Variants in CTNNA2 observed in about 807,000 individuals in gnomAD.
The protein encoded by CTNNA2 is catenin alpha-2.
A neutral mutation model predicts 101.0 loss-of-function variants in CTNNA2; 42 were observed. The ratio of observed to expected loss-of-function variants is 0.42; its 90% CI spans 0.32 to 0.54. CTNNA2 has a LOEUF of 0.54. Ranked by LOEUF, CTNNA2 falls within the 20% of genes least tolerant of loss-of-function variation. The pLI is 0.14. For synonymous variants in CTNNA2, 450 were observed against 456.4 expected, an observed-to-expected ratio of 0.99 and a Z score of 0.18; for missense variants, 871 against 1,223.1, an observed-to-expected ratio of 0.71 and a Z score of 4.29.
intron 4 of CTNNA2, among the ~76,000 whole-genome samples, chr2:79,427,822 A>G (rs980230767): frequency 3.3e-5 from 5 of 152,046 alleles, no homozygotes; most frequent in Admixed American, 3.3e-4. Context: ...AACCTGTTCT[A>G]GAATTCATTG....
chr2:80,099,366 G>A (rs1700394073), intron 7 of CTNNA2, among the ~76,000 whole-genome samples: 1 of 152,094 alleles, frequency 6.6e-6, no homozygotes, highest in East Asian at 1.9e-4. Flanking sequence ...AGATAGTCCT[G>A]TATCTGCTTA....
chr2:79,491,135 C>T (rs1671204301), intron 4 of CTNNA2, among the ~76,000 whole-genome samples: 1 of 152,152 alleles, frequency 6.6e-6, no homozygotes, highest in Non-Finnish European at 1.5e-5. Flanking sequence ...TGTTGTCTGC[C>T]TACTCTGTAC....
At chr2:79,404,950 A>C (rs1476330104) in intron 4 of CTNNA2, among the ~76,000 whole-genome samples, 2 of 152,102 alleles carry the variant, frequency 1.3e-5, no homozygotes, top group Non-Finnish European at 2.9e-5. Flanking sequence ...GATATCATTC[A>C]TGAACCATGT....
At chr2:80,409,232 T>C (rs1489077697) in intron 8 of CTNNA2, among the ~76,000 whole-genome samples, 4 of 151,956 alleles carry the variant, frequency 2.6e-5, no homozygotes, top group Non-Finnish European at 5.9e-5. Context: ...AGTTAGACAT[T>C]GGGCAATAGA....
intron 7 of CTNNA2, among the ~76,000 whole-genome samples, chr2:79,960,240 A>G (rs566227297): frequency 1.9e-4 from 29 of 152,330 alleles, no homozygotes; most frequent in Admixed American, 1.4e-3. Context: ...TGCTGACTCA[A>G]CTGTAAAGTT....
intron 7 of CTNNA2, among the ~76,000 whole-genome samples, chr2:80,364,556 A>ATTTTTTTTTTTTTTTT (rs57073635): frequency 2.4e-5 from 3 of 123,516 alleles, no homozygotes; most frequent in Admixed American, 8.8e-5. Context: ...AGAGAAAGTA[A>ATTTTTTTTTTTTTTTT]TTTTTTTTTT....
chr2:79,995,521 A>G (rs943479972), intron 7 of CTNNA2, among the ~76,000 whole-genome samples: 2 of 152,150 alleles, frequency 1.3e-5, no homozygotes, highest in African/African-American at 4.8e-5. Flanking sequence ...TAAGTTTTTA[A>G]AAGTCTGGGC....
At position 80,366,261 on chromosome 2, in the gene CTNNA2, A is replaced by G. The variant is rs559901158; in HGVS notation, c.1057-26950A>G. 5.3e-4 allele frequency among the ~76,000 whole-genome samples: 80 copies of G among 152,264 alleles called. 1 individual carries two copies. The highest frequency in any genetic ancestry group is 1.8e-3 in the African/African-American group (74 of 41,568). ...TGAACATCAGCTCCTGAAGATTTTA[A>G]TGGATATTACAAGAGAAAAACATTT... is the stretch of plus-strand genomic sequence containing the variant. On this transcript the variant is annotated intron_variant, in intron 7 of 18. Transcript: ENST00000402739.
intron 4 of CTNNA2, among the ~76,000 whole-genome samples, chr2:79,400,170 T>C (rs554254906): frequency 1.3e-5 from 2 of 152,220 alleles, no homozygotes; most frequent in African/African-American, 4.8e-5. Flanking sequence ...CTTGAGTTTC[T>C]GATTAGCCTT....
chr2:79,772,734 T>TA lies in CTNNA2; in HGVS notation c.298+28160dup, dbSNP rs201901720. ...CCACAGGCCACCTTACCTGGCTATT[T>TA]AAAAAAAATGTGTAGAGACAGGGTC... is the stretch of plus-strand genomic sequence containing the variant. On this transcript the variant is annotated intron_variant, in intron 3 of 18. Coordinates refer to ENST00000402739, the MANE Select transcript of CTNNA2 (RefSeq NM_001282597.3). Among the ~76,000 whole-genome samples the TA allele has an allele frequency of 6.5e-3, 991 of 151,908 alleles. 5 individuals carry two copies. Among genetic ancestry groups the TA allele is most frequent in the Non-Finnish European group, 0.01 (713 of 67,940 alleles).
chr2:80,501,325 A>C (rs1301850667), intron 9 of CTNNA2, among the ~76,000 whole-genome samples: 1 of 152,236 alleles, frequency 6.6e-6, no homozygotes, highest in Non-Finnish European at 1.5e-5. Flanking sequence ...TTTTCTTCTG[A>C]AAGATAGAGC....
chr2:80,471,056 G>T (rs1177620458), intron 9 of CTNNA2, among the ~76,000 whole-genome samples: 4 of 152,172 alleles, frequency 2.6e-5, no homozygotes, highest in Non-Finnish European at 4.4e-5. Context: ...AGATCATAAA[G>T]GTCCTTGCAA....
chr2:79,526,387 C>T (rs1368149813), intron 1 of CTNNA2, among the ~76,000 whole-genome samples: 1 of 151,248 alleles, frequency 6.6e-6, no homozygotes, highest in East Asian at 1.9e-4. Flanking sequence ...AATGGGAAGA[C>T]TTAGTATTGT....
At chr2:79,397,595 A>G (rs1394207049) in intron 4 of CTNNA2, among the ~76,000 whole-genome samples, 1 of 152,118 alleles carries the variant, frequency 6.6e-6, no homozygotes, top group East Asian at 1.9e-4. Context: ...TTTGCAGAGA[A>G]GTCTTCAGTC....
chr2:79,394,067 G>A (rs962534947), intron 4 of CTNNA2, among the ~76,000 whole-genome samples: 4 of 151,980 alleles, frequency 2.6e-5, no homozygotes, highest in Non-Finnish European at 2.9e-5. Flanking sequence ...CATGATTAAC[G>A]TGGGGGATGA....
intron 7 of CTNNA2, among the ~76,000 whole-genome samples, chr2:80,231,525 C>G (rs1265134370): frequency 6.6e-6 from 1 of 152,046 alleles, no homozygotes; most frequent in African/African-American, 2.4e-5. Flanking sequence ...CCCAGAGAAC[C>G]CAAAGAAAAC....
At chr2:80,098,762 G>T (rs1440562234) in intron 7 of CTNNA2, among the ~76,000 whole-genome samples, 1 of 152,190 alleles carries the variant, frequency 6.6e-6, no homozygotes, top group African/African-American at 2.4e-5. Context: ...AGACTGCTGT[G>T]CTAGCAATGA....
chr2:79,683,728 GA>G (rs35123670), intron 2 of CTNNA2, among the ~76,000 whole-genome samples: 20,224 of 152,210 alleles, frequency 0.13, 1,429 homozygotes, highest in South Asian at 0.21. Context: ...ACACAATTGT[GA>G]GAGAGTTCCC....
chr2:79,515,112 A>G (rs565264336), intron 1 of CTNNA2, among the ~76,000 whole-genome samples: 13 of 152,224 alleles, frequency 8.5e-5, no homozygotes, highest in South Asian at 2.1e-4. Context: ...TAGGAATGCA[A>G]TTCCATTAAT....
Sources: allele counts gnomAD v4.1 joint callset (sites outside exome capture counted in the v4.1 genomes callset), GRCh38; gene constraint gnomAD v4.1.1; transcripts MANE v1.5; gene names NCBI Gene and HGNC (gene_info 2026-07-23, HGNC 2026-07-21).